PPID: variants seen among roughly 807,000 people sequenced by gnomAD.
The protein encoded by PPID is peptidyl-prolyl cis-trans isomerase D.
In PPID, 47 loss-of-function variants were observed where a neutral mutation model predicts 48.1. That is an observed-to-expected ratio of 0.98 (90% confidence interval 0.77 to 1.25). The LOEUF (loss-of-function observed/expected upper bound fraction) is 1.25, where lower values mean the gene tolerates loss of function less well. Ranked by LOEUF, PPID falls within the 50% of genes most tolerant of loss-of-function variation. The probability of loss-of-function intolerance (pLI) is 0.00; values close to 1 mark genes in which losing one functional copy is unlikely to be tolerated. For synonymous variants in PPID, 163 were observed against 148.8 expected, an observed-to-expected ratio of 1.10 and a Z score of -0.69; for missense variants, 429 against 443.5, an observed-to-expected ratio of 0.97 and a Z score of 0.29.
Position 158,710,848 on chromosome 4 carries a change from C to G in PPID, c.895G>C (p.Ala299Pro), listed in dbSNP as rs574999524. ...GTATTTGATGGGTCTAGTTCAAGAG[C>G]CTACAAAAAAGTATAAAGCTAGTAT... ...WQGAIDSCLE[A>P]LELDPSNTKA... The change falls in exon 8 of 10, where the codon GCT becomes CCT. Residue 299 changes from alanine to proline, a missense_variant and splice_region_variant. By Grantham distance (27) the Ala-to-Pro change is conservative. Coordinates refer to ENST00000307720, the MANE Select transcript of PPID (RefSeq NM_005038.3). 32 of 1,606,364 alleles carry G rather than the reference C, an allele frequency of 2.0e-5. No homozygotes were observed. In the East Asian group the frequency reaches 6.0e-4, roughly 30 times the overall value.
chr4:158,714,516 A>G lies in PPID; in HGVS notation c.752+781T>C, dbSNP rs890412756. ...AACGTAAGAGATACTACCACTAAATATAACACATAATCTTAGTTTGGACCC... is the reference window on the plus strand; with the variant it reads ...AACGTAAGAGATACTACCACTAAATGTAACACATAATCTTAGTTTGGACCC... On this transcript the variant is annotated intron_variant, in intron 6 of 9. Coordinates refer to ENST00000307720, the MANE Select transcript of PPID (RefSeq NM_005038.3). Among the ~76,000 whole-genome samples, 6 of 152,318 alleles carry G rather than the reference A, an allele frequency of 3.9e-5. No homozygotes were observed. The South Asian group carries it at 1.0e-3, about 26-fold the overall frequency.
At position 158,723,376 on chromosome 4, in the gene PPID, A is replaced by G. The variant is rs1774997268; in HGVS notation, c.-88T>C. The G allele has an allele frequency of 7.4e-7, 1 of 1,359,614 alleles. No homozygotes were observed. The allele number at this position is 1,359,614 out of a possible 1,614,324, so 84.2% of individuals were successfully genotyped here. A position where few individuals can be genotyped will look rare whatever the true frequency, so the allele number is the denominator to read the frequency against. On this transcript the variant is annotated 5_prime_UTR_variant, in exon 1 of 10. Coordinates refer to ENST00000307720, the MANE Select transcript of PPID (RefSeq NM_005038.3). ...AAACTCCAGAGTCCGTCTCCGCCGG[A>G]GACCGGCAGCGACGCTGACCGGCCA...
intron 1 of PPID, among the ~76,000 whole-genome samples, chr4:158,722,358 C>T (rs17843884): frequency 0.012 from 1,888 of 152,352 alleles, 31 homozygotes; most frequent in African/African-American, 0.043. Flanking sequence ...TACCTGCAGC[C>T]TTTGTGCTCT....
intron 4 of PPID, 143 bp downstream of exon 4, chr4:158,716,869 G>A (rs1404570539): frequency 2.5e-6 from 2 of 786,102 alleles, no homozygotes; most frequent in Non-Finnish European, 4.1e-6. Context: ...GCTGAGGCAG[G>A]AGAATAGCTT....
intron 2 of PPID, 125 bp downstream of exon 2, chr4:158,721,218 C>A: frequency 8.7e-7 from 1 of 1,148,072 alleles, no homozygotes; most frequent in Non-Finnish European, 1.2e-6. Context: ...GCGTTACTGC[C>A]TCAGACATGG....
rs978331908 is a variant in PPID at position 158,723,134 on chromosome 4, T to C, written c.85+70A>G. The C allele has an allele frequency of 4.1e-6, 6 of 1,465,698 alleles. 1 individual carries two copies. Among genetic ancestry groups the C allele is most frequent in the South Asian group, 2.4e-5 (2 of 83,910 alleles). The allele number at this position is 1,465,698 out of a possible 1,614,324, so 90.8% of individuals were successfully genotyped here. On this transcript the variant is annotated intron_variant, in intron 1 of 9. Coordinates refer to ENST00000307720, the MANE Select transcript of PPID (RefSeq NM_005038.3). ...CACCGGCCGGAGCCGCATTCCGCCC[T>C]TGGAATCCCCCAAATCCCGGGAACC...
At chr4:158,715,485 C>G in intron 5 of PPID, 77 bp downstream of exon 5, 2 of 1,558,652 alleles carry the variant, frequency 1.3e-6, no homozygotes, top group Non-Finnish European at 1.8e-6. Flanking sequence ...GAGACTGAAA[C>G]AAAAGCTCAA....
rs1774737079 is a variant in PPID at position 158,709,435 on chromosome 4, G to C, written c.*301C>G. On this transcript the variant is annotated 3_prime_UTR_variant, in exon 10 of 10. Coordinates refer to ENST00000307720, the MANE Select transcript of PPID (RefSeq NM_005038.3). ...TAATCCCAGCTACTTGGGAAGCTGA[G>C]GCAGGAGAATTGCTTGAACCCGGGA... The C allele has an allele frequency of 5.1e-6, 1 of 196,354 alleles. No homozygotes were observed. Among genetic ancestry groups the C allele is most frequent in the South Asian group, 1.2e-4 (1 of 8,264 alleles). 12.2% of individuals were successfully genotyped at this position (196,354 alleles called of 1,614,324 possible). A position where few individuals can be genotyped will look rare whatever the true frequency, so the allele number is the denominator to read the frequency against.
intron 9 of PPID, 176 bp from the exon 10 acceptor site, chr4:158,710,000 G>A: frequency 1.7e-6 from 1 of 589,926 alleles, no homozygotes; most frequent in East Asian, 2.9e-5. Flanking sequence ...CGTAATTTTA[G>A]AGGATGTCAA....
rs983110972 is a variant in PPID, at chr4:158,713,408, TAAG to T, written c.753-151_753-149del. 1.6e-5 allele frequency: 15 copies of T among 936,110 alleles called. 1 individual carries two copies. Among genetic ancestry groups the T allele is most frequent in the African/African-American group, 1.2e-4 (7 of 57,676 alleles). 58.0% of individuals were successfully genotyped at this position (936,110 alleles called of 1,614,324 possible). On this transcript the variant is annotated intron_variant, in intron 6 of 9. Transcript: ENST00000307720. The stretch of plus-strand genomic sequence containing the variant: ...TAATGATCACACTTTTTAAAATTTT[TAAG>T]AAGGCTTAAAAAAAATTGTTTTTGT...
intron 3 of PPID, among the ~76,000 whole-genome samples, chr4:158,718,590 TGAC>T (rs1487095284): frequency 1.3e-5 from 2 of 152,242 alleles, no homozygotes; most frequent in African/African-American, 4.8e-5. Context: ...ACTGGAAGAC[TGAC>T]GACATTTTTT....
At chr4:158,721,740 C>T (rs1189727923) in intron 1 of PPID, among the ~76,000 whole-genome samples, 1 of 152,176 alleles carries the variant, frequency 6.6e-6, no homozygotes, top group Non-Finnish European at 1.5e-5. Context: ...CTACCCAACC[C>T]CTGAAATCCA....
chr4:158,710,076 C>G, intron 9 of PPID: 2 of 471,036 alleles, frequency 4.2e-6, no homozygotes, highest in East Asian at 7.5e-5. Context: ...TAATTGCTTC[C>G]CTTGTTTCAT....
intron 4 of PPID, 56 bp from the exon 5 acceptor site, chr4:158,715,740 A>G: frequency 6.4e-7 from 1 of 1,553,062 alleles, no homozygotes; most frequent in Non-Finnish European, 8.9e-7. Flanking sequence ...GAGAGATAAA[A>G]GCTATACAGC....
Position 158,715,343 on chromosome 4 carries a change from A to G in PPID, c.706T>C (p.Ser236Pro). 6.5e-7 allele frequency: 1 copy of G among 1,543,888 alleles called. No homozygotes were observed. The highest frequency in any genetic ancestry group is 2.3e-5 in the East Asian group (1 of 43,276). The change falls in exon 6 of 10, where the codon TCC becomes CCC. Residue 236 changes from serine (S) to proline (P), a missense_variant. Coordinates refer to ENST00000307720, the MANE Select transcript of PPID (RefSeq NM_005038.3). ...TTAATAGCCATCTCCCAGTTCTGGG[A>G]TTTGAAAAAAGTATTTCCAATGTTT... ...LKNIGNTFFK[S>P]QNWEMAIKKY...
chr4:158,713,311 T>G, intron 6 of PPID, 51 bp from the exon 7 acceptor site: 1 of 1,480,102 alleles, frequency 6.8e-7, no homozygotes, highest in Non-Finnish European at 9.1e-7. Flanking sequence ...AAACAGGAAT[T>G]ACTCTTCTCT....
Position 158,709,758 on chromosome 4 carries a change from A to G in PPID, c.1091T>C (p.Val364Ala), listed in dbSNP as rs1282449617. 6.2e-7 allele frequency: 1 copy of G among 1,609,626 alleles called. No individual in the cohort carries two copies. Among genetic ancestry groups the G allele is most frequent in the South Asian group, 1.1e-5 (1 of 90,938 alleles). ...TTTCTAAGCAAACATTTTTGCATAT[A>G]CTGCCTTCTCTTTATCTTTCTGTGC... ...IKAQKDKEKAVYAKMFA is the reference protein window; with the variant it reads ...IKAQKDKEKAAYAKMFA Residue 364 changes from valine to alanine, a missense_variant, in exon 10 of 10, where the codon GTA (valine) becomes GCA (alanine). By Grantham distance (64) the Val-to-Ala change is moderately conservative. Coordinates refer to ENST00000307720, the MANE Select transcript of PPID (RefSeq NM_005038.3).
chr4:158,715,806 T>C (rs1008408280), intron 4 of PPID, 122 bp from the exon 5 acceptor site: 1 of 1,066,528 alleles, frequency 9.4e-7, no homozygotes, highest in Non-Finnish European at 1.4e-6. Context: ...GGCTCATTTA[T>C]GTACTATAAT....
At chr4:158,710,951 G>T (rs1479462133) in intron 7 of PPID, 103 bp from the exon 8 acceptor site, 3 of 1,052,880 alleles carry the variant, frequency 2.8e-6, no homozygotes, top group African/African-American at 3.2e-5. Context: ...TCACTGCTCT[G>T]TGAAAATGGA....
Sources: gnomAD v4.1 joint callset for allele counts (sites outside exome capture counted in the v4.1 genomes callset) on GRCh38, gnomAD v4.1.1 for gene constraint, MANE v1.5 for transcripts, NCBI Gene and HGNC (gene_info 2026-07-23, HGNC 2026-07-21) for gene names.